Variants in PDHX observed in about 807,000 individuals in gnomAD.
PDHX encodes the protein pyruvate dehydrogenase complex component X, also known as pyruvate dehydrogenase protein X component, mitochondrial.
Under a neutral mutation model 55.3 loss-of-function variants are expected in PDHX, and 33 were observed. The ratio of observed to expected loss-of-function variants is 0.60; its 90% CI spans 0.45 to 0.80. The LOEUF (loss-of-function observed/expected upper bound fraction) is 0.80. PDHX is among the 30% of genes least tolerant of loss of function. The probability of loss-of-function intolerance (pLI) is 0.00; values close to 1 mark genes in which losing one functional copy is unlikely to be tolerated. For missense variants in PDHX, 622 were observed against 619.9 expected (o/e 1.00, Z -0.04); for synonymous variants, 226 against 219.4 (o/e 1.03, Z -0.27).
rs779450982 is a variant in PDHX, at chr11:34,970,216, A to G, written c.894A>G (p.Val298=). 7 of 1,612,528 alleles carry G rather than the reference A, an allele frequency of 4.3e-6. No individual in the cohort carries two copies. The African/African-American group carries it at 8.0e-5, about 18-fold the overall frequency. The change falls in exon 7 of 11, where the codon GTA becomes GTG. Residue 298 remains valine (V), a synonymous_variant. Coordinates refer to ENST00000227868, the MANE Select transcript of PDHX (RefSeq NM_003477.3). The part of the protein sequence containing the change: ...AKRLTESKST[V]PHAYATADCD... ...GATTAACTGAATCTAAAAGTACTGT[A>G]CCTCATGCATATGCTACTGCTGACT...
Position 34,955,351 on chromosome 11 carries a change from G to A in PDHX, c.343-2033G>A, listed in dbSNP as rs557101903. ...CTACAGTGTAAGCAAATGCTTACAGGAAATTAGCACACCTCTGAAAGATCT... is the reference window on the plus strand; with the variant it reads ...CTACAGTGTAAGCAAATGCTTACAGAAAATTAGCACACCTCTGAAAGATCT... On this transcript the variant is annotated intron_variant, in intron 3 of 10. Transcript: ENST00000227868. 2.4e-4 allele frequency among the ~76,000 whole-genome samples: 37 copies of A among 152,258 alleles called. No homozygotes were observed. In the South Asian group the frequency reaches 7.5e-3, roughly 31 times the overall value.
intron 9 of PDHX, among the ~76,000 whole-genome samples, chr11:34,990,530 TTGTG>T (rs1232552784): frequency 6.6e-6 from 1 of 152,196 alleles, no homozygotes; most frequent in African/African-American, 2.4e-5. Flanking sequence ...TTTGTGGTAA[TTGTG>T]TGGTAGTTCA....
chr11:34,957,704 A>C, intron 4 of PDHX, 121 bp downstream of exon 4: 3 of 777,120 alleles, frequency 3.9e-6, no homozygotes, highest in Non-Finnish European at 6.6e-6. Context: ...TGCTGTTCTC[A>C]GCACACTCAG....
rs1236317110 is a variant in PDHX at position 34,934,754 on chromosome 11, A to AT, written c.241+3277dup. 4.0e-5 allele frequency among the ~76,000 whole-genome samples: 6 copies of AT among 151,064 alleles called. No individual in the cohort carries two copies. The East Asian group carries it at 1.2e-3, about 29-fold the overall frequency. ...CCACCATGCCTGGTTAGTTTTTTGT[A>AT]TTTTTTTAGAGACAGGGTCTCCCTG... On this transcript the variant is annotated intron_variant, in intron 2 of 10. Coordinates refer to ENST00000227868, the MANE Select transcript of PDHX (RefSeq NM_003477.3).
At chr11:34,943,135 A>G (rs1029687088) in intron 2 of PDHX, among the ~76,000 whole-genome samples, 1 of 152,194 alleles carries the variant, frequency 6.6e-6, no homozygotes, top group Non-Finnish European at 1.5e-5. Flanking sequence ...GGGGATGGGA[A>G]TATAAAACAT....
At chr11:34,915,965 C>T (rs1853671250), upstream of PDHX, 3 of 573,268 alleles carry the variant, frequency 5.2e-6, no homozygotes, top group South Asian at 6.5e-5. Context: ...GCTCTCCTCT[C>T]TCAGTTATTT....
intron 7 of PDHX, among the ~76,000 whole-genome samples, chr11:34,975,123 G>C (rs1033904709): frequency 6.6e-6 from 1 of 152,066 alleles, no homozygotes; most frequent in African/African-American, 2.4e-5. Flanking sequence ...TAGAATGTCT[G>C]CTGCCGTTCT....
At chr11:34,982,607 C>G (rs1855542146) in intron 8 of PDHX, among the ~76,000 whole-genome samples, 1 of 152,052 alleles carries the variant, frequency 6.6e-6, no homozygotes. Context: ...ACCGATCCCA[C>G]AGAAATGCAA....
chr11:34,921,923 C>G (rs1036554756), intron 1 of PDHX, among the ~76,000 whole-genome samples: 3 of 152,202 alleles, frequency 2.0e-5, no homozygotes, highest in Admixed American at 1.3e-4. Flanking sequence ...AAAAACCCTG[C>G]AAAGGTTTGC....
intron 5 of PDHX, 148 bp downstream of exon 5, chr11:34,960,666 T>C (rs1855005404): frequency 1.4e-5 from 8 of 581,830 alleles, no homozygotes; most frequent in Non-Finnish European, 2.2e-5. Context: ...TTTATCATTG[T>C]AAATTGTATT....
At chr11:34,957,702 T>A in intron 4 of PDHX, 119 bp downstream of exon 4, 1 of 773,502 alleles carries the variant, frequency 1.3e-6, no homozygotes, top group Non-Finnish European at 2.2e-6. Context: ...GTTGCTGTTC[T>A]CAGCACACTC....
intron 3 of PDHX, among the ~76,000 whole-genome samples, chr11:34,949,742 A>G (rs546191724): frequency 2.6e-5 from 4 of 152,292 alleles, no homozygotes; most frequent in Non-Finnish European, 5.9e-5. Context: ...TGGGGTTGCT[A>G]TATAATTTGG....
At chr11:34,959,148 T>C (rs188964562) in intron 4 of PDHX, among the ~76,000 whole-genome samples, 11 of 152,140 alleles carry the variant, frequency 7.2e-5, no homozygotes, top group Admixed American at 4.6e-4. Context: ...ACAAGAGATA[T>C]ACCATTAGTC....
intron 2 of PDHX, among the ~76,000 whole-genome samples, chr11:34,939,679 A>G (rs1854426550): frequency 6.6e-6 from 1 of 152,206 alleles, no homozygotes; most frequent in Non-Finnish European, 1.5e-5. Context: ...TAATTCTATG[A>G]TAACTCATTT....
At position 34,957,775 on chromosome 11, in the gene PDHX, C is replaced by T. The variant is rs2281809; in HGVS notation, c.542+192C>T. Among the ~76,000 whole-genome samples the T allele has an allele frequency of 0.7, 106,581 of 151,774 alleles. 37,592 individuals carry two copies. The highest frequency in any genetic ancestry group is 0.77 in the Middle Eastern group (227 of 294). On this transcript the variant is annotated intron_variant, in intron 4 of 10. Transcript: ENST00000227868. ...TGTTCATTCAGTAAATAAATAGTTA[C>T]TGAATATCTGCTATGTTCCAGGTAC...
intron 7 of PDHX, among the ~76,000 whole-genome samples, chr11:34,970,921 G>A (rs974938834): frequency 2.0e-5 from 3 of 152,136 alleles, no homozygotes; most frequent in Admixed American, 1.3e-4. Flanking sequence ...AAGCAAAAGT[G>A]GGCTTAATGT....
chr11:34,979,599 C>G (rs1043446943), intron 8 of PDHX, among the ~76,000 whole-genome samples: 1 of 152,062 alleles, frequency 6.6e-6, no homozygotes, highest in African/African-American at 2.4e-5. Flanking sequence ...AAAAAGCATG[C>G]CCTTTCAGCA....
chr11:34,980,920 GC>G (rs1855495734), intron 8 of PDHX, among the ~76,000 whole-genome samples: 1 of 152,114 alleles, frequency 6.6e-6, no homozygotes, highest in Non-Finnish European at 1.5e-5. Context: ...CTGTTTTTCA[GC>G]ATCATTTTCA....
intron 8 of PDHX, among the ~76,000 whole-genome samples, chr11:34,983,287 C>T (rs10742331): frequency 6.6e-6 from 1 of 151,948 alleles, no homozygotes; most frequent in African/African-American, 2.4e-5. Flanking sequence ...AATAATAAGA[C>T]CTATTTTTGA....
Sources: allele counts gnomAD v4.1 joint callset (sites outside exome capture counted in the v4.1 genomes callset), GRCh38; gene constraint gnomAD v4.1.1; transcripts MANE v1.5; gene names NCBI Gene and HGNC (gene_info 2026-07-23, HGNC 2026-07-21).